The following LRRC4C variants were observed in gnomAD, a reference collection of about 807,000 sequenced individuals.
LRRC4C encodes leucine-rich repeat-containing protein 4C.
Under a neutral mutation model 33.6 loss-of-function variants are expected in LRRC4C, and 5 were observed. The ratio of observed to expected loss-of-function variants is 0.15; its 90% CI spans 0.08 to 0.31. The LOEUF (loss-of-function observed/expected upper bound fraction) is 0.31. Ranked by LOEUF, LRRC4C falls within the 10% of genes least tolerant of loss-of-function variation. The pLI, the probability that LRRC4C is intolerant of heterozygous loss-of-function variation, is 1.00. For missense variants in LRRC4C, 560 were observed against 796.7 expected, an observed-to-expected ratio of 0.70 and a Z score of 3.58; for synonymous variants, 329 against 302.0, an observed-to-expected ratio of 1.09 and a Z score of -0.93.
rs559648110 is a variant in LRRC4C, at chr11:40,895,652, T to C, written c.-407+37983A>G. On this transcript the variant is annotated intron_variant, in intron 2 of 6. Transcript: ENST00000528697. ...TGTCTGAACCCAAGTCTCTAAAAAA[T>C]ATGTTTTTATAAATATTTTATTCTT... Among the ~76,000 whole-genome samples, 24 of 152,294 alleles carry C rather than the reference T, an allele frequency of 1.6e-4. No individual in the cohort carries two copies. The South Asian group carries it at 4.8e-3, about 30-fold the overall frequency.
At chr11:40,396,691 T>G (rs1949554429) in intron 3 of LRRC4C, among the ~76,000 whole-genome samples, 1 of 152,140 alleles carries the variant, frequency 6.6e-6, no homozygotes, top group South Asian at 2.1e-4. Flanking sequence ...ATCCTTTTCT[T>G]TTAAATAATA....
At chr11:40,609,047 G>A (rs184851536) in intron 3 of LRRC4C, among the ~76,000 whole-genome samples, 13 of 151,970 alleles carry the variant, frequency 8.6e-5, no homozygotes, top group Non-Finnish European at 1.5e-4. Context: ...AACAAAATTC[G>A]AACAACACTG....
At chr11:40,914,626 G>A (rs1376764477) in intron 2 of LRRC4C, among the ~76,000 whole-genome samples, 1 of 152,124 alleles carries the variant, frequency 6.6e-6, no homozygotes, top group South Asian at 2.1e-4. Context: ...CATTCCCTTT[G>A]ACAACTGGCA....
chr11:41,307,144 C>T (rs1329299751), intron 1 of LRRC4C, among the ~76,000 whole-genome samples: 2 of 152,114 alleles, frequency 1.3e-5, no homozygotes, highest in Non-Finnish European at 2.9e-5. Context: ...GGGAGAGACT[C>T]CTTCTGCTGA....
chr11:40,264,101 A>C (rs1322420213), intron 4 of LRRC4C, among the ~76,000 whole-genome samples: 2 of 152,202 alleles, frequency 1.3e-5, no homozygotes, highest in Non-Finnish European at 2.9e-5. Context: ...CTATGTATAA[A>C]GAACTAGAAC....
intron 3 of LRRC4C, among the ~76,000 whole-genome samples, chr11:40,626,676 T>C (rs146733093): frequency 5.9e-5 from 9 of 152,332 alleles, no homozygotes; most frequent in East Asian, 1.9e-4. Context: ...TCAGCTCTTA[T>C]TGAGCTCCAC....
intron 3 of LRRC4C, among the ~76,000 whole-genome samples, chr11:40,439,834 A>G (rs1222831679): frequency 6.6e-6 from 1 of 152,204 alleles, no homozygotes; most frequent in African/African-American, 2.4e-5. Context: ...AGAAAAAGTA[A>G]CATGACCCAG....
chr11:41,210,511 T>C (rs1946779938), intron 1 of LRRC4C, among the ~76,000 whole-genome samples: 1 of 152,178 alleles, frequency 6.6e-6, no homozygotes, highest in Admixed American at 6.5e-5. Flanking sequence ...CCTCTTTTTC[T>C]TTATAAATTA....
chr11:41,089,768 C>A (rs1038463835), intron 1 of LRRC4C, among the ~76,000 whole-genome samples: 10 of 151,830 alleles, frequency 6.6e-5, no homozygotes, highest in African/African-American at 2.2e-4. Context: ...CTTATCTATC[C>A]ACAACCTGAA....
intron 4 of LRRC4C, among the ~76,000 whole-genome samples, chr11:40,273,578 A>T (rs754901767): frequency 1.3e-5 from 2 of 152,140 alleles, no homozygotes; most frequent in Non-Finnish European, 2.9e-5. Context: ...TTTACGATGG[A>T]TGTTACTCTA....
intron 1 of LRRC4C, among the ~76,000 whole-genome samples, chr11:41,162,635 T>C (rs1944524262): frequency 6.6e-6 from 1 of 152,168 alleles, no homozygotes; most frequent in Non-Finnish European, 1.5e-5. Flanking sequence ...ACAATGGCAA[T>C]TATTTGTGTA....
At position 40,733,349 on chromosome 11, in the gene LRRC4C, G is replaced by A. The variant is rs78297817; in HGVS notation, c.-406-85071C>T. Among the ~76,000 whole-genome samples, 27 of 152,058 alleles carry A rather than the reference G, an allele frequency of 1.8e-4. No individual in the cohort carries two copies. The East Asian group carries it at 3.3e-3, about 19-fold the overall frequency. ...CTCGGCCTCCCAAAGTGCTGGGATT[G>A]CAGGCGTGAGCCACGGTGCCCGCCT... On this transcript the variant is annotated intron_variant, in intron 2 of 6. Transcript: ENST00000528697.
intron 2 of LRRC4C, among the ~76,000 whole-genome samples, chr11:40,900,719 C>G (rs1374680969): frequency 1.3e-5 from 2 of 151,852 alleles, no homozygotes; most frequent in Non-Finnish European, 2.9e-5. Flanking sequence ...AGATTGTAAT[C>G]CCATTGCAAG....
intron 1 of LRRC4C, among the ~76,000 whole-genome samples, chr11:41,163,804 G>T (rs979930869): frequency 2.6e-5 from 4 of 151,870 alleles, no homozygotes; most frequent in Middle Eastern, 3.4e-3. Flanking sequence ...TAGAGACGAG[G>T]TTTCACCATG....
chr11:41,407,972 G>T (rs1180337831), intron 1 of LRRC4C, among the ~76,000 whole-genome samples: 1 of 152,134 alleles, frequency 6.6e-6, no homozygotes, highest in Non-Finnish European at 1.5e-5. Context: ...TGTGAGGGTA[G>T]TCCAGATTGG....
At chr11:40,289,048 G>A (rs1684524991) in intron 4 of LRRC4C, among the ~76,000 whole-genome samples, 1 of 152,276 alleles carries the variant, frequency 6.6e-6, no homozygotes, top group African/African-American at 2.4e-5. Context: ...AAGTCATAAT[G>A]CACAGTTTCT....
At chr11:40,977,129 C>G (rs945931267) in intron 1 of LRRC4C, among the ~76,000 whole-genome samples, 1 of 151,978 alleles carries the variant, frequency 6.6e-6, no homozygotes, top group Non-Finnish European at 1.5e-5. Context: ...GTTTGCCCTC[C>G]TATGAAGACC....
At chr11:40,461,528 ACT>A (rs1952396475) in intron 3 of LRRC4C, among the ~76,000 whole-genome samples, 1 of 152,010 alleles carries the variant, frequency 6.6e-6, no homozygotes, top group Admixed American at 6.6e-5. Flanking sequence ...TCTGACACAT[ACT>A]CAGTGCTCAG....
At chr11:41,196,977 AT>A (rs1014127217) in intron 1 of LRRC4C, among the ~76,000 whole-genome samples, 19 of 152,152 alleles carry the variant, frequency 1.2e-4, no homozygotes, top group African/African-American at 4.6e-4. Flanking sequence ...ATTAAAATGG[AT>A]TTTTATTATT....
Sources: allele counts gnomAD v4.1 joint callset (sites outside exome capture counted in the v4.1 genomes callset), GRCh38; gene constraint gnomAD v4.1.1; transcripts MANE v1.5; gene names NCBI Gene and HGNC (gene_info 2026-07-23, HGNC 2026-07-21).